The following ASAP1 variants were observed in gnomAD, a reference collection of about 807,000 sequenced individuals.
ASAP1 encodes ArfGAP with SH3 domain, ankyrin repeat and PH domain 1.
In ASAP1, 43 loss-of-function variants were observed where a neutral mutation model predicts 145.2. The observed-to-expected ratio is 0.30, with a 90% confidence interval of 0.23 to 0.38. The LOEUF (loss-of-function observed/expected upper bound fraction) is 0.38. Ranked by LOEUF, ASAP1 falls within the 10% of genes least tolerant of loss-of-function variation. The pLI, the probability that ASAP1 is intolerant of heterozygous loss-of-function variation, is 1.00. For synonymous variants in ASAP1, 546 were observed against 515.5 expected (o/e 1.06, Z -0.80); for missense variants, 1,018 against 1,355.3 (o/e 0.75, Z 3.91).
intron 13 of ASAP1, among the ~76,000 whole-genome samples, chr8:130,147,293 G>GTCAGTAATA (rs1316845326): frequency 1.3e-5 from 2 of 150,094 alleles, no homozygotes; most frequent in African/African-American, 4.9e-5. Flanking sequence ...AATACTAATA[G>GTCAGTAATA]CTGACATTTA....
chr8:130,333,012 G>A (rs1052916780), intron 3 of ASAP1, among the ~76,000 whole-genome samples: 5 of 152,012 alleles, frequency 3.3e-5, no homozygotes, highest in African/African-American at 4.8e-5. Context: ...CATTCACAGT[G>A]ATTCAAGCAC....
At chr8:130,417,699 C>G (rs764865456) in intron 1 of ASAP1, among the ~76,000 whole-genome samples, 1 of 151,380 alleles carries the variant, frequency 6.6e-6, no homozygotes, top group Non-Finnish European at 1.5e-5. Context: ...TCAGGCCTGG[C>G]TAGATTCAAG....
intron 1 of ASAP1, among the ~76,000 whole-genome samples, chr8:130,421,237 G>A (rs1190747912): frequency 1.3e-5 from 2 of 152,152 alleles, no homozygotes; most frequent in Non-Finnish European, 2.9e-5. Flanking sequence ...GAGGGACTTT[G>A]GATCTCTCCA....
chr8:130,361,762 T>A lies in ASAP1; in HGVS notation c.60-3619A>T. The A allele has an allele frequency of 2.0e-6, 3 of 1,533,928 alleles. No homozygotes were observed. The East Asian group carries it at 7.3e-5, about 38-fold the overall frequency. Reference sequence around the variant, plus strand: ...TTTTCTCAAATACTCTGAAAATCATTCCTGGATATCTGAAAGCAAATAGAG... The same window carrying A: ...TTTTCTCAAATACTCTGAAAATCATACCTGGATATCTGAAAGCAAATAGAG... On this transcript the variant is annotated intron_variant, in intron 2 of 29. Coordinates refer to ENST00000518721, the MANE Select transcript of ASAP1 (RefSeq NM_018482.4).
intron 2 of ASAP1, among the ~76,000 whole-genome samples, chr8:130,391,161 T>G (rs1488189424): frequency 7.5e-6 from 1 of 133,746 alleles, no homozygotes; most frequent in Non-Finnish European, 1.7e-5. Flanking sequence ...GACATTATGT[T>G]AAGTAAGGCA....
intron 3 of ASAP1, among the ~76,000 whole-genome samples, chr8:130,348,017 G>A (rs542358249): frequency 3.3e-5 from 5 of 152,262 alleles, no homozygotes; most frequent in Non-Finnish European, 4.4e-5. Context: ...ATAAAAAGAG[G>A]AGTTGGACTA....
chr8:130,290,929 G>A (rs1004453586), intron 3 of ASAP1, among the ~76,000 whole-genome samples: 1 of 152,188 alleles, frequency 6.6e-6, no homozygotes, highest in African/African-American at 2.4e-5. Flanking sequence ...TGCATTCAAT[G>A]TGCCATTCCA....
At chr8:130,291,220 C>T (rs186090831) in intron 3 of ASAP1, among the ~76,000 whole-genome samples, 87 of 152,180 alleles carry the variant, frequency 5.7e-4, no homozygotes, top group African/African-American at 2.0e-3. Context: ...CTCCTAGTGT[C>T]GAAAAATCTC....
chr8:130,108,127 T>C (rs191547327), intron 24 of ASAP1, among the ~76,000 whole-genome samples: 574 of 152,376 alleles, frequency 3.8e-3, no homozygotes, highest in Non-Finnish European at 6.2e-3. Context: ...ACGCTCTCAG[T>C]ATGCCACACA....
At chr8:130,211,286 G>A (rs944612974) in intron 5 of ASAP1, among the ~76,000 whole-genome samples, 4 of 152,114 alleles carry the variant, frequency 2.6e-5, no homozygotes, top group Non-Finnish European at 5.9e-5. Context: ...AATCCTTTTC[G>A]CAGTCCTCAG....
intron 3 of ASAP1, among the ~76,000 whole-genome samples, chr8:130,241,732 T>A (rs972468190): frequency 1.3e-5 from 2 of 152,162 alleles, no homozygotes; most frequent in Non-Finnish European, 2.9e-5. Flanking sequence ...GAGAATAATG[T>A]CTTAACAGGA....
intron 9 of ASAP1, among the ~76,000 whole-genome samples, chr8:130,177,845 C>T (rs1044019761): frequency 2.6e-5 from 4 of 152,218 alleles, no homozygotes; most frequent in African/African-American, 9.6e-5. Flanking sequence ...CATACAAGGT[C>T]GCAGGCACTG....
intron 3 of ASAP1, among the ~76,000 whole-genome samples, chr8:130,301,382 C>T (rs943074372): frequency 2.0e-5 from 3 of 152,196 alleles, no homozygotes; most frequent in Non-Finnish European, 2.9e-5. Flanking sequence ...CACTGCTGCT[C>T]CTTCTGTTAC....
At chr8:130,126,987 A>G (rs1043370070) in intron 16 of ASAP1, among the ~76,000 whole-genome samples, 2 of 152,226 alleles carry the variant, frequency 1.3e-5, no homozygotes, top group Non-Finnish European at 2.9e-5. Context: ...GATCTTGCTC[A>G]CAGGGGTTCT....
intron 4 of ASAP1, among the ~76,000 whole-genome samples, chr8:130,223,028 A>C (rs1304708758): frequency 2.0e-5 from 3 of 152,220 alleles, no homozygotes; most frequent in Non-Finnish European, 4.4e-5. Flanking sequence ...CTTCATATAT[A>C]AAACAGGTCT....
chr8:130,061,385 A>G (rs773550589), intron 27 of ASAP1, among the ~76,000 whole-genome samples: 14 of 152,180 alleles, frequency 9.2e-5, no homozygotes, highest in East Asian at 3.8e-4. Flanking sequence ...TAACACCTAA[A>G]TGTAGCCATT....
At chr8:130,409,713 TTCAAATGATAACAA>T (rs1203201979) in intron 1 of ASAP1, among the ~76,000 whole-genome samples, 2 of 152,212 alleles carry the variant, frequency 1.3e-5, no homozygotes, top group Non-Finnish European at 2.9e-5. Flanking sequence ...CATTTGTTGA[TTCAAATGATAACAA>T]TCAAAGATGG....
chr8:130,117,294 T>TA (rs1196004551), intron 20 of ASAP1, among the ~76,000 whole-genome samples: 2 of 152,150 alleles, frequency 1.3e-5, no homozygotes, highest in East Asian at 3.8e-4. Flanking sequence ...CTTTTACAGA[T>TA]AAAAAACCCT....
chr8:130,193,050 C>T (rs1815248052), intron 5 of ASAP1, among the ~76,000 whole-genome samples: 1 of 152,068 alleles, frequency 6.6e-6, no homozygotes, highest in African/African-American at 2.4e-5. Flanking sequence ...AGGTATAAAA[C>T]ATTACTTATG....
Sources: gnomAD v4.1 joint callset for allele counts (sites outside exome capture counted in the v4.1 genomes callset) on GRCh38, gnomAD v4.1.1 for gene constraint, MANE v1.5 for transcripts, NCBI Gene and HGNC (gene_info 2026-07-23, HGNC 2026-07-21) for gene names.